RUFY2: variants seen among roughly 807,000 people sequenced by gnomAD.
The protein encoded by RUFY2 is RUN and FYVE domain containing 2, also known as RUN and FYVE domain-containing protein 2.
A neutral mutation model predicts 94.4 loss-of-function variants in RUFY2; 49 were observed. That is an observed-to-expected ratio of 0.52 (90% CI 0.41 to 0.66). RUFY2 has a LOEUF of 0.66. Ranked by LOEUF, RUFY2 falls within the 30% of genes least tolerant of loss-of-function variation. The pLI is 0.00. For missense variants in RUFY2, 541 were observed against 692.8 expected (o/e 0.78, Z 2.46); for synonymous variants, 255 against 235.7 (o/e 1.08, Z -0.75).
chr10:68,341,433 G>A, downstream of RUFY2: 1 of 1,089,154 alleles, frequency 9.2e-7, no homozygotes, highest in East Asian at 2.4e-5. Flanking sequence ...CCTCTATAAT[G>A]GCTTTCTGTG....
At chr10:68,374,955 A>G (rs570799329) in intron 13 of RUFY2, among the ~76,000 whole-genome samples, 2 of 152,312 alleles carry the variant, frequency 1.3e-5, no homozygotes, top group East Asian at 3.9e-4. Context: ...ATATATAAAT[A>G]TATATGCATG....
intron 7 of RUFY2, among the ~76,000 whole-genome samples, chr10:68,391,969 A>C (rs887042264): frequency 7.8e-4 from 118 of 152,090 alleles, no homozygotes; most frequent in African/African-American, 2.5e-3. Context: ...CTGTCTCAAA[A>C]AAACAAACAA....
intron 10 of RUFY2, among the ~76,000 whole-genome samples, chr10:68,383,231 A>C (rs1038135113): frequency 1.3e-5 from 2 of 152,134 alleles, no homozygotes; most frequent in African/African-American, 4.8e-5. Context: ...AGGCTGAGGT[A>C]CAAGAATTGC....
At chr10:68,369,028 G>C (rs1167286827) in intron 13 of RUFY2, among the ~76,000 whole-genome samples, 1 of 152,158 alleles carries the variant, frequency 6.6e-6, no homozygotes, top group African/African-American at 2.4e-5. Flanking sequence ...GCCTGGCAAT[G>C]ATGAGGTAAA....
chr10:68,406,519 C>A (rs571010688), intron 1 of RUFY2, among the ~76,000 whole-genome samples: 2 of 152,330 alleles, frequency 1.3e-5, no homozygotes, highest in African/African-American at 4.8e-5. Flanking sequence ...TGGGCACCGG[C>A]AGTTCCCACG....
intron 16 of RUFY2, among the ~76,000 whole-genome samples, chr10:68,354,142 A>AAT (rs2046888380): frequency 6.6e-6 from 1 of 152,068 alleles, no homozygotes; most frequent in Non-Finnish European, 1.5e-5. Context: ...TATTATTAAT[A>AAT]ATATTATTTG....
chr10:68,354,025 A>T (rs2046878638), intron 16 of RUFY2, among the ~76,000 whole-genome samples: 1 of 152,150 alleles, frequency 6.6e-6, no homozygotes, highest in South Asian at 2.1e-4. Context: ...GATAAATGCC[A>T]GAAGAAACAG....
At chr10:68,380,679 T>C (rs193055888) in intron 11 of RUFY2, among the ~76,000 whole-genome samples, 16 of 152,132 alleles carry the variant, frequency 1.1e-4, no homozygotes, top group Admixed American at 2.0e-4. Context: ...CTGGCCAACA[T>C]TGTGAAACCC....
chr10:68,356,996 T>A (rs923786541), intron 15 of RUFY2, among the ~76,000 whole-genome samples: 1 of 151,378 alleles, frequency 6.6e-6, no homozygotes, highest in Non-Finnish European at 1.5e-5. Context: ...AAACCCCATC[T>A]CTACTAAAAA....
intron 7 of RUFY2, among the ~76,000 whole-genome samples, chr10:68,386,594 C>G (rs1186961568): frequency 1.3e-5 from 2 of 152,154 alleles, no homozygotes; most frequent in African/African-American, 2.4e-5. Context: ...ATGACCCACC[C>G]ACCTCAGCCT....
In RUFY2 at chr10:68,376,952, G is replaced by T. The variant is rs766666017; in HGVS notation, c.1226C>A (p.Ala409Glu). The T allele has an allele frequency of 1.9e-6, 3 of 1,613,166 alleles. No individual in the cohort carries two copies. Among genetic ancestry groups the T allele is most frequent in the East Asian group, 2.2e-5 (1 of 44,798 alleles). ...ATCCTCATCTTCAGCTTCCATTTGC[G>T]CCTTCTCTGCTTGCTGCAATCTGGT... Reference protein sequence around the residue: ...LEQRLQQAEKAQMEAEDEDEK... With the variant: ...LEQRLQQAEKEQMEAEDEDEK... The change falls in exon 13 of 18, where the codon GCG (alanine) becomes GAG (glutamate). Residue 409 changes from alanine (A) to glutamate (E), a missense_variant. This residue lies in a region of RUFY2 where 403 missense variants were observed against 480.7 expected (regional missense o/e 0.84). Coordinates refer to ENST00000602465, the MANE Select transcript of RUFY2 (RefSeq NM_001330103.2).
chr10:68,377,349 C>T, intron 12 of RUFY2: 3 of 1,066,958 alleles, frequency 2.8e-6, no homozygotes, highest in Non-Finnish European at 3.4e-6. Flanking sequence ...GGATTTATGC[C>T]TACACTAGGT....
At chr10:68,357,372 G>A (rs1376997646) in intron 15 of RUFY2, among the ~76,000 whole-genome samples, 1 of 151,602 alleles carries the variant, frequency 6.6e-6, no homozygotes, top group Non-Finnish European at 1.5e-5. Context: ...GGGATTATAG[G>A]CAGTTGTCAC....
chr10:68,400,882 G>A lies in RUFY2; in HGVS notation c.296+738C>T, dbSNP rs967995139. On this transcript the variant is annotated intron_variant, in intron 3 of 17. Coordinates refer to ENST00000602465, the MANE Select transcript of RUFY2 (RefSeq NM_001330103.2). ...AAAAAAATTAGCCGGGCGTGGTGGC[G>A]GGCGCCTGTAGTCCCAGCTACTCGG... 2.7e-5 allele frequency among the ~76,000 whole-genome samples: 4 copies of A among 149,574 alleles called. No homozygotes were observed. The South Asian group carries it at 6.4e-4, about 24-fold the overall frequency.
chr10:68,394,303 T>G, intron 5 of RUFY2, 25 bp downstream of exon 5: 1 of 1,613,652 alleles, frequency 6.2e-7, no homozygotes, highest in Non-Finnish European at 8.5e-7. Context: ...ACACTCTGCA[T>G]TTGGCACTAG....
intron 16 of RUFY2, among the ~76,000 whole-genome samples, chr10:68,347,278 C>CTTTTTTTTT (rs66465620): frequency 1.2e-5 from 1 of 86,508 alleles, no homozygotes; most frequent in Non-Finnish European, 2.1e-5. Flanking sequence ...CAACTTGACC[C>CTTTTTTTTT]TTTTTTTTTT....
intron 16 of RUFY2, chr10:68,346,287 A>T (rs555678611): frequency 1.2e-4 from 58 of 495,266 alleles, no homozygotes; most frequent in African/African-American, 9.0e-4. Flanking sequence ...GATGTGGATT[A>T]AGTATAAAAA....
intron 6 of RUFY2, 21 bp from the exon 7 acceptor site, chr10:68,393,224 C>T (rs765582814): frequency 2.8e-6 from 4 of 1,414,308 alleles, no homozygotes; most frequent in Non-Finnish European, 3.9e-6. Flanking sequence ...AAAAAAGTAG[C>T]TTTGTGCTAG....
chr10:68,394,403 T>C lies in RUFY2; in HGVS notation c.447A>G (p.Val149=), dbSNP rs1431071371. 2 of 1,613,516 alleles carry C rather than the reference T, an allele frequency of 1.2e-6. No individual in the cohort carries two copies. Among genetic ancestry groups the C allele is most frequent in the Non-Finnish European group, 1.7e-6 (2 of 1,179,634 alleles). ...HALMMEEEGA[V]IVGLLVGLNV... The stretch of plus-strand genomic sequence containing the variant: ...TCAGGCCAACCAGCAGCCCAACAAT[T>C]ACTGCTCCTTCTTCTTCCATCATTA... The change falls in exon 5 of 18, where the codon GTA becomes GTG. Residue 149 remains valine (V), a synonymous_variant. Transcript: ENST00000602465.
Sources: gnomAD v4.1 joint callset for allele counts (sites outside exome capture counted in the v4.1 genomes callset) on GRCh38, gnomAD v4.1.1 for gene constraint, gnomAD v4.1.1 regional missense constraint, MANE v1.5 for transcripts, NCBI Gene and HGNC (gene_info 2026-07-23, HGNC 2026-07-21) for gene names.